AGR3: variants seen among roughly 807,000 people sequenced by gnomAD.
The protein encoded by AGR3 is anterior gradient protein 3.
AGR3 carries 37 observed loss-of-function variants against 24.5 expected under a neutral mutation model. That is an observed-to-expected ratio of 1.51 (90% confidence interval 1.16 to 1.99). AGR3 has a LOEUF of 1.99. Among genes scored for constraint, AGR3 ranks in the 30% most tolerant of loss-of-function variants. The pLI is 0.00. For synonymous variants in AGR3, 75 were observed against 61.6 expected (o/e 1.22, Z -1.02); for missense variants, 228 against 191.1 (o/e 1.19, Z -1.14).
downstream of AGR3, among the ~76,000 whole-genome samples, chr7:16,854,767 G>A (rs1781532903): frequency 1.3e-5 from 2 of 152,152 alleles, no homozygotes; most frequent in South Asian, 4.1e-4. Flanking sequence ...TCCTTCCGAG[G>A]GCTGTGAAGG....
At chr7:16,877,517 C>T (rs1225176073) in intron 2 of AGR3, among the ~76,000 whole-genome samples, 1 of 151,696 alleles carries the variant, frequency 6.6e-6, no homozygotes, top group African/African-American at 2.4e-5. Context: ...TATATGGGGA[C>T]AAATAATTCT....
At chr7:16,865,893 G>T in intron 3 of AGR3, 3 of 720,752 alleles carry the variant, frequency 4.2e-6, no homozygotes, top group Non-Finnish European at 7.7e-6. Flanking sequence ...CCACATCCAG[G>T]AGGACCTGTT....
intron 3 of AGR3, among the ~76,000 whole-genome samples, chr7:16,873,095 C>T (rs1481576224): frequency 6.6e-6 from 1 of 152,196 alleles, no homozygotes; most frequent in Non-Finnish European, 1.5e-5. Context: ...TTTCCTACTA[C>T]TGAGTATTTA....
chr7:16,863,578 A>G (rs539854648), intron 3 of AGR3, among the ~76,000 whole-genome samples: 1 of 152,134 alleles, frequency 6.6e-6, no homozygotes, highest in Non-Finnish European at 1.5e-5. Context: ...CTGAAAATCT[A>G]TATGAATATG....
chr7:16,867,939 A>G (rs1781789494), intron 3 of AGR3, among the ~76,000 whole-genome samples: 1 of 152,182 alleles, frequency 6.6e-6, no homozygotes, highest in Non-Finnish European at 1.5e-5. Flanking sequence ...ATCTCTATAC[A>G]TTATGCTTTC....
chr7:16,881,479 T>C (rs1782115720), intron 1 of AGR3, among the ~76,000 whole-genome samples: 2 of 152,206 alleles, frequency 1.3e-5, no homozygotes, highest in Admixed American at 6.5e-5. Context: ...CAGATAAATG[T>C]GGCATGGTTA....
At chr7:16,860,686 C>T (rs966862616) in intron 6 of AGR3, 103 bp from the exon 7 acceptor site, 1 of 780,070 alleles carries the variant, frequency 1.3e-6, no homozygotes, top group Non-Finnish European at 2.1e-6. Context: ...GTTATGTGTA[C>T]AAGTTTGTTA....
chr7:16,859,360 G>A (rs148413107), downstream of AGR3: 419 of 448,938 alleles, frequency 9.3e-4, 2 homozygotes, highest in African/African-American at 7.5e-3. Flanking sequence ...TATAACTCTT[G>A]GCAGGCTTTC....
chr7:16,874,361 A>T (rs1274911019), intron 2 of AGR3, among the ~76,000 whole-genome samples: 2 of 152,188 alleles, frequency 1.3e-5, no homozygotes, highest in African/African-American at 4.8e-5. Flanking sequence ...TGGGAATTTC[A>T]TGGCCAAGAG....
chr7:16,878,673 T>C, intron 1 of AGR3, 28 bp from the exon 2 acceptor site: 1 of 1,437,520 alleles, frequency 7.0e-7, no homozygotes, highest in Non-Finnish European at 9.8e-7. Flanking sequence ...ATTCTCAGAA[T>C]CCAGTGAATT....
rs923672936 is a variant in AGR3 at position 16,876,081 on chromosome 7, C to T, written c.110-2238G>A. 3.3e-5 allele frequency among the ~76,000 whole-genome samples: 5 copies of T among 152,252 alleles called. No individual in the cohort carries two copies. The East Asian group carries it at 7.7e-4, about 24-fold the overall frequency. ...AACATCTGCTGCATAACTTACTCCA[C>T]AAAGCAGTGGGAATACAAACATAGA... On this transcript the variant is annotated intron_variant, in intron 2 of 7. Transcript: ENST00000310398.
intron 3 of AGR3, among the ~76,000 whole-genome samples, chr7:16,869,383 A>T (rs1045978736): frequency 9.2e-5 from 14 of 151,924 alleles, no homozygotes; most frequent in Non-Finnish European, 1.9e-4. Flanking sequence ...GTTTCCATTT[A>T]TATAGTATAT....
chr7:16,865,899 C>CTGT, intron 3 of AGR3: 1 of 717,196 alleles, frequency 1.4e-6, no homozygotes, highest in Non-Finnish European at 2.6e-6. Flanking sequence ...CCAGGAGGAC[C>CTGT]TGTTATTAAT....
chr7:16,862,025 G>T lies in AGR3; in HGVS notation c.262C>A (p.Gln88Lys). 1 of 1,612,888 alleles carries T rather than the reference G, an allele frequency of 6.2e-7. No homozygotes were observed. The highest frequency in any genetic ancestry group is 8.5e-7 in the Non-Finnish European group (1 of 1,179,424). ...ATGAACTTATTCTGAGCCATTTCTT[G>T]TATTTCTTCATTTTGGGCAAATACT... ...KKVFAQNEEI[Q>K]EMAQNKFIML... Residue 88 changes from glutamine (Q) to lysine (K), a missense_variant, in exon 5 of 8, where the codon CAA becomes AAA. By Grantham distance (53) the Gln-to-Lys change is moderately conservative (BLOSUM62 1). Transcript: ENST00000310398.
At chr7:16,875,458 C>A (rs76880751) in intron 2 of AGR3, among the ~76,000 whole-genome samples, 2,347 of 152,136 alleles carry the variant, frequency 0.015, 38 homozygotes, top group Non-Finnish European at 0.026. Context: ...TTTTTATGGT[C>A]AAATATTATT....
chr7:16,880,536 C>CCTCCTCTCCCCTCCT (rs1782096371), intron 1 of AGR3, among the ~76,000 whole-genome samples: 1 of 62,680 alleles, frequency 1.6e-5, no homozygotes, highest in African/African-American at 6.5e-5. Flanking sequence ...CCTCCCCTCC[C>CCTCCTCTCCCCTCCT]CTCCCCTCCT....
intron 3 of AGR3, chr7:16,864,617 G>C: frequency 1.3e-6 from 2 of 1,538,790 alleles, no homozygotes; most frequent in Non-Finnish European, 1.8e-6. Flanking sequence ...ATTAGAGCAA[G>C]GTATGGCAGT....
rs928010165 is a variant in AGR3 at position 16,865,658 on chromosome 7, C to T, written c.174-2996G>A. On this transcript the variant is annotated intron_variant, in intron 3 of 7. Transcript: ENST00000310398. ...AACCAGAATTATCTTCTTATCAGTT[C>T]TCAGATGATCTCCAAGCATTTGTAA... 2.9e-5 allele frequency: 23 copies of T among 796,526 alleles called. No homozygotes were observed. The East Asian group carries it at 4.7e-4, about 16-fold the overall frequency. 49.3% of individuals were successfully genotyped at this position (796,526 alleles called of 1,614,324 possible). A position where few individuals can be genotyped will look rare whatever the true frequency, so the allele number is the denominator to read the frequency against.
chr7:16,864,514 T>G, intron 3 of AGR3: 1 of 1,277,376 alleles, frequency 7.8e-7, no homozygotes, highest in Non-Finnish European at 1.1e-6. Context: ...AGTCAGGGCT[T>G]CCATTTTCAG....
Sources: allele counts gnomAD v4.1 joint callset (sites outside exome capture counted in the v4.1 genomes callset), GRCh38; gene constraint gnomAD v4.1.1; transcripts MANE v1.5; gene names NCBI Gene and HGNC (gene_info 2026-07-23, HGNC 2026-07-21).